Variants in DLG2 observed in about 807,000 individuals in gnomAD.
DLG2 encodes discs large MAGUK scaffold protein 2, also known as disks large homolog 2.
DLG2 carries 45 observed loss-of-function variants against 132.5 expected under a neutral mutation model. The observed-to-expected ratio is 0.34, with a 90% CI of 0.27 to 0.44. The LOEUF (loss-of-function observed/expected upper bound fraction) is 0.44. DLG2 is among the 20% of genes least tolerant of loss of function. DLG2 has a pLI of 1.00. For missense variants in DLG2, 1,045 were observed against 1,196.9 expected, an observed-to-expected ratio of 0.87 and a Z score of 1.87; for synonymous variants, 424 against 419.6, an observed-to-expected ratio of 1.01 and a Z score of -0.13.
chr11:84,946,464 C>A (rs1055762082), intron 6 of DLG2, among the ~76,000 whole-genome samples: 5 of 152,036 alleles, frequency 3.3e-5, no homozygotes, highest in African/African-American at 7.3e-5. Context: ...CCCTTCAAGG[C>A]AGCAGGTTCC....
rs1567337831 is a variant in DLG2 at position 84,340,132 on chromosome 11, G to A, written c.520-88841C>T. On this transcript the variant is annotated intron_variant, in intron 7 of 27. Transcript: ENST00000376104. ...TTTTGCAGGAGAGTCTGGTTTATTTGCTAATTGGTAGTATCTAAAGAAGGC... is the reference window on the plus strand; with the variant it reads ...TTTTGCAGGAGAGTCTGGTTTATTTACTAATTGGTAGTATCTAAAGAAGGC... 2.0e-5 allele frequency among the ~76,000 whole-genome samples: 3 copies of A among 152,136 alleles called. No homozygotes were observed. The South Asian group carries it at 6.2e-4, about 32-fold the overall frequency.
At chr11:84,549,741 C>T (rs976507500) in intron 6 of DLG2, among the ~76,000 whole-genome samples, 3 of 151,990 alleles carry the variant, frequency 2.0e-5, no homozygotes, top group African/African-American at 7.2e-5. Flanking sequence ...TAAGATTCTT[C>T]CTATTTCTCT....
At chr11:83,832,025 T>C (rs1158378476) in intron 17 of DLG2, among the ~76,000 whole-genome samples, 3 of 152,178 alleles carry the variant, frequency 2.0e-5, no homozygotes, top group African/African-American at 7.2e-5. Context: ...AATGGAATAC[T>C]TAAATCCCAG....
At chr11:84,345,996 A>G (rs930884788) in intron 7 of DLG2, among the ~76,000 whole-genome samples, 1 of 152,224 alleles carries the variant, frequency 6.6e-6, no homozygotes. Flanking sequence ...TAAAGAAAAG[A>G]GTACTTCTGA....
intron 3 of DLG2, among the ~76,000 whole-genome samples, chr11:85,523,595 A>G (rs1041237766): frequency 6.6e-6 from 1 of 152,204 alleles, no homozygotes; most frequent in African/African-American, 2.4e-5. Context: ...GCTGATGAGG[A>G]TGTAGAGAAA....
intron 15 of DLG2, among the ~76,000 whole-genome samples, chr11:83,899,490 T>A (rs1381127317): frequency 6.6e-6 from 1 of 152,214 alleles, no homozygotes; most frequent in Admixed American, 6.5e-5. Flanking sequence ...AATTCCCATA[T>A]GTTGTGGGAG....
intron 19 of DLG2, among the ~76,000 whole-genome samples, chr11:83,600,236 G>GGTGTGTGTGT (rs57674131): frequency 0.025 from 3,661 of 145,550 alleles, 100 homozygotes; most frequent in African/African-American, 0.055. Flanking sequence ...CTAGCTATAG[G>GGTGTGTGTGT]GTGTGTGTGT....
At chr11:85,236,142 A>G (rs1307001581) in intron 4 of DLG2, among the ~76,000 whole-genome samples, 2 of 152,002 alleles carry the variant, frequency 1.3e-5, no homozygotes, top group South Asian at 2.1e-4. Flanking sequence ...GAAGATTATT[A>G]ATCTCACTTT....
rs550975012 is a variant in DLG2 at position 84,491,463 on chromosome 11, C to G, written c.519+43107G>C. Among the ~76,000 whole-genome samples, 97 of 152,208 alleles carry G rather than the reference C, an allele frequency of 6.4e-4. 4 individuals are homozygous for G. In the South Asian group the frequency reaches 0.02, roughly 31 times the overall value. On this transcript the variant is annotated intron_variant, in intron 7 of 27. Coordinates refer to ENST00000376104, the MANE Select transcript of DLG2 (RefSeq NM_001142699.3). ...AAACCTCTTCCTTCTGTAAATTGCCCAGTCTTGGGTATGTCTTTATCAGCA... is the reference window on the plus strand; with the variant it reads ...AAACCTCTTCCTTCTGTAAATTGCCGAGTCTTGGGTATGTCTTTATCAGCA...
intron 8 of DLG2, among the ~76,000 whole-genome samples, chr11:84,182,811 A>AT (rs1436071572): frequency 1.3e-5 from 2 of 152,134 alleles, no homozygotes; most frequent in East Asian, 3.9e-4. Flanking sequence ...AATATTGGCT[A>AT]TTTTTTGAAA....
chr11:85,360,515 A>G (rs2084062586), intron 3 of DLG2, among the ~76,000 whole-genome samples: 1 of 152,114 alleles, frequency 6.6e-6, no homozygotes, highest in South Asian at 2.1e-4. Context: ...CATCCTCCTC[A>G]TAGCTGTAAG....
Position 85,331,490 on chromosome 11 carries a change from G to T in DLG2, c.41-46125C>A, listed in dbSNP as rs989799655. Among the ~76,000 whole-genome samples the T allele has an allele frequency of 1.1e-4, 16 of 152,040 alleles. No individual in the cohort carries two copies. In the Middle Eastern group the frequency reaches 0.01, roughly 97 times the overall value. ...TTTTTCAACTTTTACTTTAGAATTG[G>T]GCGTGCATATGCAGGTCTGTTACAT... On this transcript the variant is annotated intron_variant, in intron 3 of 27. Coordinates refer to ENST00000376104, the MANE Select transcript of DLG2 (RefSeq NM_001142699.3).
chr11:85,380,979 A>G (rs2085837133), intron 3 of DLG2, among the ~76,000 whole-genome samples: 1 of 152,190 alleles, frequency 6.6e-6, no homozygotes, highest in African/African-American at 2.4e-5. Flanking sequence ...GAAAAATCAC[A>G]TGAACTTTTT....
At chr11:85,141,551 T>A (rs2076480037) in intron 5 of DLG2, among the ~76,000 whole-genome samples, 1 of 151,864 alleles carries the variant, frequency 6.6e-6, no homozygotes, top group South Asian at 2.1e-4. Flanking sequence ...GAGAACTTTT[T>A]AGCTTGATGT....
At chr11:84,968,690 T>C (rs1265577489) in intron 6 of DLG2, among the ~76,000 whole-genome samples, 1 of 152,178 alleles carries the variant, frequency 6.6e-6, no homozygotes, top group Non-Finnish European at 1.5e-5. Context: ...AGTAATGTTC[T>C]CAGCTATTTC....
At chr11:84,269,523 A>G (rs1447471804) in intron 7 of DLG2, among the ~76,000 whole-genome samples, 1 of 152,162 alleles carries the variant, frequency 6.6e-6, no homozygotes, top group Non-Finnish European at 1.5e-5. Flanking sequence ...AGGATACTCT[A>G]CATTTTGCAT....
chr11:83,536,670 C>A (rs937562724), intron 20 of DLG2, among the ~76,000 whole-genome samples: 1 of 151,766 alleles, frequency 6.6e-6, no homozygotes, highest in Non-Finnish European at 1.5e-5. Context: ...AGCACTTCAC[C>A]TATAATAGCT....
chr11:85,082,596 T>G (rs1420243537), intron 6 of DLG2, among the ~76,000 whole-genome samples: 3 of 152,036 alleles, frequency 2.0e-5, no homozygotes, highest in Non-Finnish European at 4.4e-5. Context: ...AAGCCTTCTC[T>G]TGATTGTTTT....
chr11:84,515,856 G>C (rs187710470), intron 7 of DLG2, among the ~76,000 whole-genome samples: 392 of 151,868 alleles, frequency 2.6e-3, no homozygotes, highest in Middle Eastern at 6.8e-3. Flanking sequence ...AATCATAAAA[G>C]ATTTTAAAAG....
Sources: allele counts gnomAD v4.1 joint callset (sites outside exome capture counted in the v4.1 genomes callset), GRCh38; gene constraint gnomAD v4.1.1; transcripts MANE v1.5; gene names NCBI Gene and HGNC (gene_info 2026-07-23, HGNC 2026-07-21).